The following PALD1 variants were observed in gnomAD, a reference collection of about 807,000 sequenced individuals.
The protein encoded by PALD1 is paladin.
In PALD1, 57 loss-of-function variants were observed where a neutral mutation model predicts 96.0. That is an observed-to-expected ratio of 0.59 (90% CI 0.48 to 0.74). The LOEUF (loss-of-function observed/expected upper bound fraction) is 0.74, where lower values mean the gene tolerates loss of function less well. Ranked by LOEUF, PALD1 falls within the 30% of genes least tolerant of loss-of-function variation. The probability of loss-of-function intolerance (pLI) is 0.00; values close to 1 mark genes in which losing one functional copy is unlikely to be tolerated. For missense variants in PALD1, 1,063 were observed against 1,143.7 expected, an observed-to-expected ratio of 0.93 and a Z score of 1.02; for synonymous variants, 464 against 473.6, an observed-to-expected ratio of 0.98 and a Z score of 0.26.
intron 1 of PALD1, among the ~76,000 whole-genome samples, chr10:70,513,532 G>C (rs1052693172): frequency 1.2e-4 from 18 of 151,990 alleles, no homozygotes; most frequent in African/African-American, 4.4e-4. Context: ...AAAAGGAAGA[G>C]TGCAGTAAGT....
At chr10:70,492,213 A>C (rs1846110011) in intron 1 of PALD1, among the ~76,000 whole-genome samples, 1 of 152,130 alleles carries the variant, frequency 6.6e-6, no homozygotes, top group Admixed American at 6.6e-5. Context: ...AACTTTGTGA[A>C]TATACTAAAA....
chr10:70,480,922 G>A (rs1845919919), intron 1 of PALD1, among the ~76,000 whole-genome samples: 1 of 152,220 alleles, frequency 6.6e-6, no homozygotes, highest in African/African-American at 2.4e-5. Flanking sequence ...ACAGGAGGAT[G>A]GTGGGGGTGA....
chr10:70,564,574 C>G, intron 19 of PALD1, 55 bp downstream of exon 19: 1 of 1,562,114 alleles, frequency 6.4e-7, no homozygotes, highest in Non-Finnish European at 8.7e-7. Context: ...GCAGATGGAG[C>G]TGGGTCACAG....
intron 1 of PALD1, among the ~76,000 whole-genome samples, chr10:70,496,299 T>C (rs560956344): frequency 1.8e-4 from 27 of 151,756 alleles, no homozygotes; most frequent in African/African-American, 4.6e-4. Context: ...TTTCAGATAG[T>C]GAATCAAGGC....
chr10:70,463,092 GT>G, the PALD1 span, among the ~76,000 whole-genome samples: 2 of 152,214 alleles, frequency 1.3e-5, no homozygotes, highest in African/African-American at 2.4e-5. Context: ...TCTCTCGAAT[GT>G]TTGTGGGGTG....
At chr10:70,562,081 G>A (rs1564713730) in intron 18 of PALD1, among the ~76,000 whole-genome samples, 2 of 152,348 alleles carry the variant, frequency 1.3e-5, no homozygotes, top group Middle Eastern at 3.4e-3. Flanking sequence ...GTGCACACGT[G>A]CCTTCTCATC....
rs538988042 is a variant in PALD1 at position 70,532,545 on chromosome 10, C to T, written c.634-76C>T. On this transcript the variant is annotated intron_variant, in intron 5 of 19. Transcript: ENST00000263563. ...TGGCCTCTGCATGGTCTGGTCACTC[C>T]AGAGCTCAGCCAGGACACTCAGGGA... is the stretch of plus-strand genomic sequence containing the variant. 3.3e-6 allele frequency: 5 copies of T among 1,499,182 alleles called. No homozygotes were observed. The East Asian group carries it at 1.1e-4, about 34-fold the overall frequency. The allele number at this position is 1,499,182 out of a possible 1,614,324, so 92.9% of individuals were successfully genotyped here.
chr10:70,521,773 A>G (rs1846741012), intron 1 of PALD1, among the ~76,000 whole-genome samples: 1 of 151,930 alleles, frequency 6.6e-6, no homozygotes, highest in Admixed American at 6.6e-5. Context: ...ACCTCAAGTG[A>G]TCTGCCCGCT....
At chr10:70,493,761 C>G (rs1197513697) in intron 1 of PALD1, among the ~76,000 whole-genome samples, 1 of 152,196 alleles carries the variant, frequency 6.6e-6, no homozygotes, top group Non-Finnish European at 1.5e-5. Flanking sequence ...AGCATGGATG[C>G]ACGGCGAGCC....
intron 18 of PALD1, among the ~76,000 whole-genome samples, chr10:70,562,682 G>A (rs1259318906): frequency 2.0e-5 from 3 of 152,192 alleles, no homozygotes; most frequent in African/African-American, 7.2e-5. Context: ...TGTGGGTTTG[G>A]GGGATGGGGT....
At chr10:70,547,511 G>T (rs1359346598) in intron 18 of PALD1, 65 bp downstream of exon 18, 12 of 1,203,390 alleles carry the variant, frequency 1.0e-5, no homozygotes, top group African/African-American at 1.5e-5. Flanking sequence ...CACAGCCAGG[G>T]AGTGGCTGAT....
chr10:70,496,112 A>G (rs1308475167), intron 1 of PALD1, among the ~76,000 whole-genome samples: 1 of 152,104 alleles, frequency 6.6e-6, no homozygotes, highest in African/African-American at 2.4e-5. Flanking sequence ...CCCATTAGGG[A>G]GTATCAGGAC....
the PALD1 span, among the ~76,000 whole-genome samples, chr10:70,465,513 T>C: frequency 6.6e-6 from 1 of 152,168 alleles, no homozygotes; most frequent in African/African-American, 2.4e-5. Context: ...AGGTCCTCCA[T>C]AGGTATTATG....
rs1459571108 is a variant in PALD1, at chr10:70,564,473, A to G, written c.2372A>G (p.Glu791Gly). Residue 791 changes from glutamate (E) to glycine (G), a missense_variant, in exon 19 of 20, where the codon GAG becomes GGG. By Grantham distance (98) the Glu-to-Gly change is moderately conservative (BLOSUM62 -2). Coordinates refer to ENST00000263563, the MANE Select transcript of PALD1 (RefSeq NM_014431.3). ...CTCTTCAACGCGTACCTCCACCTGG[A>G]GAAGGCCGACTCCTGGCAGAGGCCC... The part of the protein sequence containing the change: ...LILFNAYLHL[E>G]KADSWQRPFS... 2.5e-6 allele frequency: 4 copies of G among 1,613,996 alleles called. No individual in the cohort carries two copies. In the African/African-American group the frequency reaches 5.3e-5, roughly 22 times the overall value.
intron 1 of PALD1, among the ~76,000 whole-genome samples, chr10:70,484,370 A>G (rs146754179): frequency 1.3e-5 from 2 of 152,326 alleles, no homozygotes; most frequent in African/African-American, 2.4e-5. Context: ...CACGTCTAAT[A>G]TTTGATACTA....
At chr10:70,477,809 T>G (rs944411637), upstream of PALD1, among the ~76,000 whole-genome samples, 4 of 151,946 alleles carry the variant, frequency 2.6e-5, no homozygotes, top group Non-Finnish European at 5.9e-5. Flanking sequence ...TGAATGGGGG[T>G]GAGGCAGGTG....
At chr10:70,561,282 G>C (rs1274434116) in intron 18 of PALD1, among the ~76,000 whole-genome samples, 1 of 152,248 alleles carries the variant, frequency 6.6e-6, no homozygotes, top group Non-Finnish European at 1.5e-5. Context: ...CACGCCCATA[G>C]CACATTGCCT....
intron 1 of PALD1, among the ~76,000 whole-genome samples, chr10:70,481,989 A>G (rs1845940330): frequency 6.6e-6 from 1 of 152,220 alleles, no homozygotes; most frequent in Non-Finnish European, 1.5e-5. Context: ...GGAGAAAATC[A>G]GTGCAAAGCA....
chr10:70,534,332 G>A, intron 8 of PALD1, 93 bp from the exon 9 acceptor site: 1 of 861,746 alleles, frequency 1.2e-6, no homozygotes, highest in East Asian at 2.7e-5. Flanking sequence ...GTAGTCTGGT[G>A]TCCCCCAGCG....
Sources: gnomAD v4.1 joint callset for allele counts (sites outside exome capture counted in the v4.1 genomes callset) on GRCh38, gnomAD v4.1.1 for gene constraint, MANE v1.5 for transcripts, NCBI Gene and HGNC (gene_info 2026-07-23, HGNC 2026-07-21) for gene names.